The following CNBD1 variants were observed in gnomAD, a reference collection of about 807,000 sequenced individuals.
CNBD1 encodes the protein cyclic nucleotide binding domain containing 1, also known as cyclic nucleotide-binding domain-containing protein 1.
In CNBD1, 71 loss-of-function variants were observed where a neutral mutation model predicts 54.4. The observed-to-expected ratio is 1.30, with a 90% confidence interval of 1.08 to 1.59. The LOEUF (loss-of-function observed/expected upper bound fraction) is 1.59, where lower values mean the gene tolerates loss of function less well. Ranked by LOEUF, CNBD1 falls within the 40% of genes most tolerant of loss-of-function variation. CNBD1 has a pLI of 0.00. For missense variants in CNBD1, 659 were observed against 518.0 expected (o/e 1.27, Z -2.64); for synonymous variants, 182 against 170.7 (o/e 1.07, Z -0.51).
intron 4 of CNBD1, among the ~76,000 whole-genome samples, chr8:86,954,064 A>G (rs1239641722): frequency 6.6e-6 from 1 of 152,176 alleles, no homozygotes; most frequent in Admixed American, 6.6e-5. Context: ...CTCAAAGTGA[A>G]AAACTTTATT....
chr8:87,322,561 T>C (rs1341115707), intron 8 of CNBD1, among the ~76,000 whole-genome samples: 1 of 116,954 alleles, frequency 8.6e-6, no homozygotes, highest in African/African-American at 3.2e-5. Flanking sequence ...CCAGTAATGA[T>C]GAGCATTTTT....
chr8:86,953,136 A>G (rs1397319795), intron 4 of CNBD1, among the ~76,000 whole-genome samples: 2 of 152,164 alleles, frequency 1.3e-5, no homozygotes, highest in Non-Finnish European at 2.9e-5. Context: ...GTATATGTTG[A>G]TGAACATTTG....
In CNBD1 at chr8:87,428,482, T is replaced by C. The variant is rs550500462; in HGVS notation, c.214-64T>C. 3,135 of 333,092 alleles carry C rather than the reference T, an allele frequency of 9.4e-3. 87 individuals carry two copies. In the African/African-American group the frequency reaches 0.1, roughly 11 times the overall value. 20.6% of individuals were successfully genotyped at this position (333,092 alleles called of 1,614,324 possible). A position where few individuals can be genotyped will look rare whatever the true frequency, so the allele number is the denominator to read the frequency against. On this transcript the variant is annotated intron_variant, in intron 2 of 7. Transcript: ENST00000521593. Reference sequence around the variant, plus strand: ...ATATTGATAAAAATAGGATTAGCAATTGCTCTTTTTATGAAGATTATTTTT... The same window carrying C: ...ATATTGATAAAAATAGGATTAGCAACTGCTCTTTTTATGAAGATTATTTTT...
intron 4 of CNBD1, among the ~76,000 whole-genome samples, chr8:87,179,694 G>A (rs1484823025): frequency 6.6e-6 from 1 of 152,124 alleles, no homozygotes; most frequent in Non-Finnish European, 1.5e-5. Flanking sequence ...CCTTATATTG[G>A]AGTTGTCCTT....
chr8:87,388,281 C>A (rs1811233693), intron 2 of CNBD1, among the ~76,000 whole-genome samples: 1 of 151,924 alleles, frequency 6.6e-6, no homozygotes, highest in Admixed American at 6.6e-5. Context: ...ATTAGAGACA[C>A]AAAAAACCCT....
At chr8:86,940,307 C>T (rs748816265) in intron 4 of CNBD1, among the ~76,000 whole-genome samples, 6 of 151,908 alleles carry the variant, frequency 3.9e-5, no homozygotes, top group Non-Finnish European at 8.8e-5. Context: ...GCTGGGATTA[C>T]AGGCACCTGC....
chr8:86,999,403 T>A (rs747523433), intron 4 of CNBD1, among the ~76,000 whole-genome samples: 1 of 152,186 alleles, frequency 6.6e-6, no homozygotes, highest in Non-Finnish European at 1.5e-5. Context: ...GTTACAATAA[T>A]GTGAGCAATG....
At chr8:87,141,192 A>AT (rs1431114580) in intron 4 of CNBD1, among the ~76,000 whole-genome samples, 1 of 152,152 alleles carries the variant, frequency 6.6e-6, no homozygotes, top group Non-Finnish European at 1.5e-5. Flanking sequence ...ATTTAGCTAT[A>AT]TAAGTACCAC....
At chr8:87,054,210 G>A (rs1250282949) in intron 4 of CNBD1, among the ~76,000 whole-genome samples, 1 of 152,176 alleles carries the variant, frequency 6.6e-6, no homozygotes, top group Non-Finnish European at 1.5e-5. Flanking sequence ...GACAGAGATT[G>A]GAACACTAAA....
chr8:87,406,373 A>T (rs1807652749), intron 2 of CNBD1, among the ~76,000 whole-genome samples: 1 of 151,910 alleles, frequency 6.6e-6, no homozygotes, highest in Non-Finnish European at 1.5e-5. Flanking sequence ...TTCTCAATGC[A>T]TTAAAAAGTA....
chr8:86,876,437 C>A (rs1329602494), intron 1 of CNBD1, among the ~76,000 whole-genome samples: 3 of 151,474 alleles, frequency 2.0e-5, no homozygotes, highest in Admixed American at 6.6e-5. Context: ...TCCCAGTTTT[C>A]TTATGTTGAG....
At chr8:87,067,573 C>CA in intron 4 of CNBD1, among the ~76,000 whole-genome samples, 1 of 152,018 alleles carries the variant, frequency 6.6e-6, no homozygotes, top group South Asian at 2.1e-4. Context: ...GGTTTCAGGG[C>CA]AAAAGCAAGT....
Position 87,273,726 on chromosome 8 carries a change from A to G in CNBD1, c.772-10952A>G, listed in dbSNP as rs528164014. On this transcript the variant is annotated intron_variant, in intron 6 of 10. Transcript: ENST00000518476. ...TATCTTTTTATAAAGTAGTAAGTGT[A>G]TAGCTCTTTAAAAGATTTTTGAAAT... 2.6e-5 allele frequency among the ~76,000 whole-genome samples: 4 copies of G among 152,036 alleles called. No homozygotes were observed. In the East Asian group the frequency reaches 5.8e-4, roughly 22 times the overall value.
intron 3 of CNBD1, among the ~76,000 whole-genome samples, chr8:86,925,358 G>T (rs1809340101): frequency 6.6e-6 from 1 of 152,014 alleles, no homozygotes; most frequent in Non-Finnish European, 1.5e-5. Context: ...TATGAGTGAG[G>T]CTCACTTCAG....
chr8:87,021,721 A>G (rs2130577834), intron 4 of CNBD1, among the ~76,000 whole-genome samples: 1 of 152,326 alleles, frequency 6.6e-6, no homozygotes, highest in South Asian at 2.1e-4. Flanking sequence ...AGCCCATTAC[A>G]ACAAAGCTTT....
intron 8 of CNBD1, among the ~76,000 whole-genome samples, chr8:87,325,702 C>A (rs1292206146): frequency 7.0e-6 from 1 of 141,944 alleles, no homozygotes; most frequent in Non-Finnish European, 1.5e-5. Flanking sequence ...TGTGTCTCTG[C>A]ATGTGAGATG....
intron 1 of CNBD1, among the ~76,000 whole-genome samples, chr8:86,876,673 T>TG (rs1808525806): frequency 6.6e-6 from 1 of 151,796 alleles, no homozygotes; most frequent in Non-Finnish European, 1.5e-5. Context: ...ATATCAGTCA[T>TG]TTTTTTCTTC....
At chr8:87,379,348 C>T (rs923733634) in intron 10 of CNBD1, among the ~76,000 whole-genome samples, 5 of 151,804 alleles carry the variant, frequency 3.3e-5, no homozygotes, top group African/African-American at 1.2e-4. Flanking sequence ...CAAGGATACC[C>T]AGGAATTGAA....
intron 10 of CNBD1, among the ~76,000 whole-genome samples, chr8:87,361,175 T>C (rs1007988156): frequency 1.3e-5 from 2 of 151,996 alleles, no homozygotes; most frequent in African/African-American, 4.8e-5. Context: ...GGGCACTTAT[T>C]TTTAAATCAG....
Sources: gnomAD v4.1 joint callset for allele counts (sites outside exome capture counted in the v4.1 genomes callset) on GRCh38, gnomAD v4.1.1 for gene constraint, MANE v1.5 for transcripts, NCBI Gene and HGNC (gene_info 2026-07-23, HGNC 2026-07-21) for gene names.